Variants in FHL2 observed in about 807,000 individuals in gnomAD.
FHL2 encodes the protein four and a half LIM domains 2, also known as four and a half LIM domains protein 2.
Under a neutral mutation model 32.7 loss-of-function variants are expected in FHL2, and 20 were observed. The ratio of observed to expected loss-of-function variants is 0.61; its 90% confidence interval spans 0.43 to 0.89. The LOEUF is 0.89. FHL2 is among the 40% of genes least tolerant of loss of function. FHL2 has a pLI of 0.00. For missense variants in FHL2, 311 were observed against 358.6 expected, an observed-to-expected ratio of 0.87 and a Z score of 1.07; for synonymous variants, 123 against 128.1, an observed-to-expected ratio of 0.96 and a Z score of 0.27.
intron 1 of FHL2, among the ~76,000 whole-genome samples, chr2:105,424,398 G>C (rs898367502): frequency 6.6e-6 from 1 of 152,198 alleles, no homozygotes; most frequent in African/African-American, 2.4e-5. Context: ...AGAGGATGTG[G>C]AGAAATAGGA....
At chr2:105,363,601 G>T in intron 5 of FHL2, 130 bp from the exon 6 acceptor site, 1 of 847,662 alleles carries the variant, frequency 1.2e-6, no homozygotes, top group Non-Finnish European at 1.8e-6. Flanking sequence ...CCAAGAAGCT[G>T]CTTTACAAAC....
At chr2:105,406,742 C>T (rs949804776) in intron 1 of FHL2, among the ~76,000 whole-genome samples, 4 of 152,050 alleles carry the variant, frequency 2.6e-5, no homozygotes, top group Non-Finnish European at 2.9e-5. Context: ...TGCAATCCTG[C>T]GCAGGAGAGA....
At chr2:105,437,960 G>A (rs1305484959) in intron 1 of FHL2, among the ~76,000 whole-genome samples, 1 of 152,174 alleles carries the variant, frequency 6.6e-6, no homozygotes, top group Non-Finnish European at 1.5e-5. Context: ...CGGAAATTCT[G>A]TCAGGGAGAA....
Position 105,436,108 on chromosome 2 carries a change from C to T in FHL2, c.-25+2291G>A, listed in dbSNP as rs192933876. Among the ~76,000 whole-genome samples, 771 of 152,096 alleles carry T rather than the reference C, an allele frequency of 5.1e-3. 8 individuals carry two copies. The highest frequency in any genetic ancestry group is 5.3e-3 in the Non-Finnish European group (358 of 68,000). ...TATCAAATTGTAAAACATTAAATTG[C>T]TCAGAACTTATGTGAGTTCTTTTCT... On this transcript the variant is annotated intron_variant, in intron 1 of 5. Transcript: ENST00000393352.
intron 6 of FHL2, among the ~76,000 whole-genome samples, chr2:105,362,593 A>T (rs1020481136): frequency 1.3e-5 from 2 of 152,110 alleles, no homozygotes; most frequent in African/African-American, 4.8e-5. Context: ...ACATCATAAA[A>T]CTTCTCCTGT....
upstream of FHL2, chr2:105,399,471 A>G (rs1219167223): frequency 3.3e-6 from 5 of 1,536,174 alleles, no homozygotes; most frequent in South Asian, 4.8e-5. Flanking sequence ...TGCCTGGGAT[A>G]TATTTGCAAG....
At chr2:105,407,030 C>T (rs930936564) in intron 1 of FHL2, among the ~76,000 whole-genome samples, 3 of 152,228 alleles carry the variant, frequency 2.0e-5, no homozygotes, top group African/African-American at 7.2e-5. Context: ...AGAACTGAGA[C>T]ATTTGAATCT....
At chr2:105,386,850 C>T (rs565969899) in intron 2 of FHL2, among the ~76,000 whole-genome samples, 7 of 149,790 alleles carry the variant, frequency 4.7e-5, no homozygotes, top group Admixed American at 1.3e-4. Context: ...CTGCAACCTC[C>T]GCCTCCCAGG....
At chr2:105,372,820 G>A (rs149425556) in intron 4 of FHL2, among the ~76,000 whole-genome samples, 5,214 of 152,198 alleles carry the variant, frequency 0.034, 134 homozygotes, top group East Asian at 0.076. Flanking sequence ...GCCTCCCAAA[G>A]TACTGGAATT....
intron 1 of FHL2, among the ~76,000 whole-genome samples, chr2:105,424,551 C>A (rs1005416027): frequency 2.0e-5 from 3 of 152,196 alleles, no homozygotes; most frequent in Non-Finnish European, 4.4e-5. Context: ...GATTATAAAT[C>A]ATTCTGCTAT....
In FHL2 at chr2:105,362,279, G is replaced by C. The variant is rs3792060; in HGVS notation, c.689-845C>G. On this transcript the variant is annotated intron_variant, in intron 6 of 6. Coordinates refer to ENST00000530340, the MANE Select transcript of FHL2 (RefSeq NM_001318895.3). ...AAACAGATATTTTAACATAGGTAAA[G>C]TGTAAATACTGTGCTTTTCTTCATA... Among the ~76,000 whole-genome samples the C allele has an allele frequency of 3.6e-4, 55 of 152,320 alleles. 1 individual carries two copies. The East Asian group carries it at 0.01, about 28-fold the overall frequency.
At chr2:105,422,330 T>C (rs1471011453) in intron 1 of FHL2, among the ~76,000 whole-genome samples, 1 of 152,188 alleles carries the variant, frequency 6.6e-6, no homozygotes, top group Admixed American at 6.5e-5. Context: ...AAGATGCATA[T>C]GGAGGTGCAT....
intron 1 of FHL2, among the ~76,000 whole-genome samples, chr2:105,434,990 T>C (rs897345320): frequency 6.6e-6 from 1 of 152,218 alleles, no homozygotes; most frequent in African/African-American, 2.4e-5. Flanking sequence ...AAAACTTTCA[T>C]GATCAGACTT....
At chr2:105,392,987 T>A (rs944144029) in intron 2 of FHL2, among the ~76,000 whole-genome samples, 3 of 101,172 alleles carry the variant, frequency 3.0e-5, no homozygotes, top group East Asian at 4.4e-4. Flanking sequence ...ACCCAGCTAA[T>A]TTTTTTTTTT....
chr2:105,406,340 A>G (rs1683628868), intron 1 of FHL2, among the ~76,000 whole-genome samples: 1 of 152,218 alleles, frequency 6.6e-6, no homozygotes, highest in African/African-American at 2.4e-5. Context: ...ACTCCTCAGT[A>G]AGACCAGAGG....
chr2:105,366,286 T>C (rs1255974682), intron 5 of FHL2, among the ~76,000 whole-genome samples: 1 of 151,560 alleles, frequency 6.6e-6, no homozygotes, highest in Admixed American at 6.6e-5. Context: ...TTAGAAAAGG[T>C]GTGGGCAAGG....
At position 105,398,869 on chromosome 2, in the gene FHL2, C is replaced by T. The variant is rs1683331368; in HGVS notation, c.-103G>A. The stretch of plus-strand genomic sequence containing the variant: ...GTCTCCCCAACTCCGGCTCTGCTCC[C>T]CTCTCCTTGGGTCTCGCACCGGATT... On this transcript the variant is annotated 5_prime_UTR_variant, in exon 1 of 7. Coordinates refer to ENST00000530340, the MANE Select transcript of FHL2 (RefSeq NM_001318895.3). 1.3e-6 allele frequency: 2 copies of T among 1,489,956 alleles called. No individual in the cohort carries two copies. Among genetic ancestry groups the T allele is most frequent in the South Asian group, 1.4e-5 (1 of 71,652 alleles). 92.3% of individuals were successfully genotyped at this position (1,489,956 alleles called of 1,614,324 possible).
intron 1 of FHL2, among the ~76,000 whole-genome samples, chr2:105,428,131 G>A (rs114800324): frequency 0.019 from 2,830 of 152,316 alleles, 81 homozygotes; most frequent in African/African-American, 0.062. Flanking sequence ...TCAACTAGAA[G>A]CCTGCTGAGG....
intron 4 of FHL2, among the ~76,000 whole-genome samples, chr2:105,368,927 A>G (rs764927278): frequency 6.6e-6 from 1 of 152,192 alleles, no homozygotes; most frequent in Non-Finnish European, 1.5e-5. Flanking sequence ...TGCTTTTCAA[A>G]TGAAGTTTTA....
Sources: allele counts gnomAD v4.1 joint callset (sites outside exome capture counted in the v4.1 genomes callset), GRCh38; gene constraint gnomAD v4.1.1; transcripts MANE v1.5; gene names NCBI Gene and HGNC (gene_info 2026-07-23, HGNC 2026-07-21).